The following IARS2 variants were observed in gnomAD, a reference collection of about 807,000 sequenced individuals.
IARS2 encodes the protein isoleucyl-tRNA synthetase 2, mitochondrial.
Under a neutral mutation model 126.3 loss-of-function variants are expected in IARS2, and 56 were observed. That is an observed-to-expected ratio of 0.44 (90% CI 0.36 to 0.55). IARS2 has a LOEUF of 0.55. Among genes scored for constraint, IARS2 ranks in the 20% least tolerant of loss-of-function variants. The pLI, the probability that IARS2 is intolerant of heterozygous loss-of-function variation, is 0.00. For synonymous variants in IARS2, 407 were observed against 441.1 expected, an observed-to-expected ratio of 0.92 and a Z score of 0.97; for missense variants, 1,127 against 1,245.9, an observed-to-expected ratio of 0.90 and a Z score of 1.44.
At position 220,138,947 on chromosome 1, in the gene IARS2, A is replaced by G. The variant is rs1657435012; in HGVS notation, c.2176-61A>G. On this transcript the variant is annotated intron_variant, in intron 17 of 22. Transcript: ENST00000366922. ...AGAGTTAGTAATAAAATAACTTTTC[A>G]GTGAAAATTGAAGGCACCATTAGAT... is the stretch of plus-strand genomic sequence containing the variant. 3.5e-6 allele frequency: 5 copies of G among 1,444,088 alleles called. No homozygotes were observed. In the Admixed American group the frequency reaches 1.0e-4, roughly 29 times the overall value. The allele number at this position is 1,444,088 out of a possible 1,614,324, so 89.5% of individuals were successfully genotyped here. A position where few individuals can be genotyped will look rare whatever the true frequency, so the allele number is the denominator to read the frequency against.
At chr1:220,104,431 T>C (rs1358492845) in intron 8 of IARS2, among the ~76,000 whole-genome samples, 1 of 152,162 alleles carries the variant, frequency 6.6e-6, no homozygotes, top group African/African-American at 2.4e-5. Context: ...TTGCCCAGGC[T>C]GGAGTGCAGT....
intron 2 of IARS2, among the ~76,000 whole-genome samples, chr1:220,097,203 C>T (rs76320648): frequency 0.025 from 3,815 of 151,140 alleles, 75 homozygotes; most frequent in Admixed American, 0.035. Flanking sequence ...TAGTTTTAGC[C>T]ACCTGCATAG....
At position 220,104,078 on chromosome 1, in the gene IARS2, A is replaced by G. The variant is rs1301054481; in HGVS notation, c.1066+516A>G. On this transcript the variant is annotated intron_variant, in intron 8 of 22. Transcript: ENST00000366922. ...AGCCTCAAACTCCCGGGCTCAAGCA[A>G]TCCTCCTGCCCTGGCCACCCAAGTA... Among the ~76,000 whole-genome samples, 6 of 152,204 alleles carry G rather than the reference A, an allele frequency of 3.9e-5. No homozygotes were observed. In the East Asian group the frequency reaches 5.8e-4, roughly 15 times the overall value.
Position 220,147,837 on chromosome 1 carries a change from A to G in IARS2, c.*202A>G, listed in dbSNP as rs530410440. Reference sequence around the variant, plus strand: ...GAATTATGTATATATACATGCAGAAATATATATGTGTGTGTGTATCTGTGG... The same window carrying G: ...GAATTATGTATATATACATGCAGAAGTATATATGTGTGTGTGTATCTGTGG... On this transcript the variant is annotated 3_prime_UTR_variant, in exon 23 of 23. Coordinates refer to ENST00000366922, the MANE Select transcript of IARS2 (RefSeq NM_018060.4). 9 of 573,698 alleles carry G rather than the reference A, an allele frequency of 1.6e-5. No homozygotes were observed. In the South Asian group the frequency reaches 2.0e-4, roughly 13 times the overall value. The allele number at this position is 573,698 out of a possible 1,614,324, so 35.5% of individuals were successfully genotyped here. A position where few individuals can be genotyped will look rare whatever the true frequency, so the allele number is the denominator to read the frequency against.
intron 10 of IARS2, among the ~76,000 whole-genome samples, chr1:220,109,527 A>C (rs1322465067): frequency 6.6e-6 from 1 of 152,244 alleles, no homozygotes; most frequent in Non-Finnish European, 1.5e-5. Flanking sequence ...AGTTTTGTAC[A>C]TAAGCTATTT....
chr1:220,138,211 G>T (rs534842035), intron 17 of IARS2, among the ~76,000 whole-genome samples, 168 bp downstream of exon 17: 1 of 152,274 alleles, frequency 6.6e-6, no homozygotes, highest in African/African-American at 2.4e-5. Context: ...GGTGGCTCAT[G>T]CCTGTAATCC....
intron 14 of IARS2, among the ~76,000 whole-genome samples, chr1:220,130,100 C>T (rs1657228899): frequency 1.3e-5 from 2 of 152,158 alleles, no homozygotes; most frequent in South Asian, 4.1e-4. Flanking sequence ...TTGCACTTCC[C>T]TGATGATTAG....
chr1:220,101,862 G>A (rs1222962044), intron 3 of IARS2, among the ~76,000 whole-genome samples: 8 of 152,016 alleles, frequency 5.3e-5, no homozygotes, highest in East Asian at 1.9e-4. Flanking sequence ...TTAGCCGGGC[G>A]TGGTGGCGGG....
At chr1:220,100,998 A>G (rs1656559080) in intron 3 of IARS2, among the ~76,000 whole-genome samples, 2 of 152,334 alleles carry the variant, frequency 1.3e-5, no homozygotes, top group East Asian at 3.9e-4. Context: ...ATTCTAAAAT[A>G]CATATATTTT....
chr1:220,117,825 G>A (rs766083374), intron 12 of IARS2: 1 of 514,550 alleles, frequency 1.9e-6, no homozygotes, highest in East Asian at 5.5e-5. Flanking sequence ...CATTGCGTTG[G>A]TTGCGTGGTG....
At chr1:220,143,484 T>C (rs1305319858) in intron 21 of IARS2, 1 of 196,170 alleles carries the variant, frequency 5.1e-6, no homozygotes, top group Non-Finnish European at 1.0e-5. Context: ...ATGTAACACA[T>C]ACATATTACT....
chr1:220,137,280 T>C (rs1037766257), intron 16 of IARS2, among the ~76,000 whole-genome samples: 23 of 152,166 alleles, frequency 1.5e-4, no homozygotes, highest in Admixed American at 1.4e-3. Context: ...AAAAAGAATA[T>C]GTAAAGTGTG....
chr1:220,111,915 T>A lies in IARS2; in HGVS notation c.1479+978T>A, dbSNP rs184768013. On this transcript the variant is annotated intron_variant, in intron 11 of 22. Coordinates refer to ENST00000366922, the MANE Select transcript of IARS2 (RefSeq NM_018060.4). ...AATGTTAAAATTTGTAAATTGCAGC[T>A]CTGCACCGATTTTTGGTTGTAGAAC... 2.4e-4 allele frequency among the ~76,000 whole-genome samples: 37 copies of A among 152,236 alleles called. 1 individual carries two copies. The highest frequency in any genetic ancestry group is 2.2e-3 in the Admixed American group (33 of 15,290).
intron 12 of IARS2, among the ~76,000 whole-genome samples, chr1:220,116,014 T>G (rs942920788): frequency 1.3e-5 from 2 of 152,122 alleles, no homozygotes; most frequent in Non-Finnish European, 2.9e-5. Flanking sequence ...TGAAGCCAGC[T>G]GTTCAAGATT....
intron 11 of IARS2, 120 bp downstream of exon 11, chr1:220,111,057 T>C (rs1342193302): frequency 2.3e-6 from 2 of 888,490 alleles, no homozygotes; most frequent in Middle Eastern, 5.5e-4. Context: ...TATGATTTAG[T>C]TTCATAACAT....
At chr1:220,107,028 G>T in intron 9 of IARS2, 33 bp from the exon 10 acceptor site, 1 of 1,303,710 alleles carries the variant, frequency 7.7e-7, no homozygotes, top group East Asian at 2.3e-5. Flanking sequence ...AAAATGTCTT[G>T]ATATTTTAAT....
chr1:220,123,271 T>C (rs1025637436), intron 12 of IARS2, among the ~76,000 whole-genome samples: 2 of 152,182 alleles, frequency 1.3e-5, no homozygotes, highest in Non-Finnish European at 2.9e-5. Context: ...CATAAAAGTT[T>C]ATCTTTACTG....
At chr1:220,137,602 T>G in intron 16 of IARS2, 1 of 219,444 alleles carries the variant, frequency 4.6e-6, no homozygotes, top group Non-Finnish European at 9.1e-6. Context: ...CCCTCCCTTA[T>G]TATAGAGACC....
intron 21 of IARS2, 27 bp downstream of exon 21, chr1:220,143,161 A>G: frequency 1.9e-6 from 3 of 1,570,052 alleles, no homozygotes; most frequent in Non-Finnish European, 2.6e-6. Flanking sequence ...ACCTTTTGAA[A>G]TGGTGTTAGT....
Sources: gnomAD v4.1 joint callset for allele counts (sites outside exome capture counted in the v4.1 genomes callset) on GRCh38, gnomAD v4.1.1 for gene constraint, MANE v1.5 for transcripts, NCBI Gene and HGNC (gene_info 2026-07-23, HGNC 2026-07-21) for gene names.